CD247: variants seen among roughly 807,000 people sequenced by gnomAD.
The protein encoded by CD247 is CD247 molecule, also known as T-cell surface glycoprotein CD3 zeta chain.
CD247 carries 13 observed loss-of-function variants against 30.0 expected under a neutral mutation model. The ratio of observed to expected loss-of-function variants is 0.43; its 90% CI spans 0.28 to 0.69. CD247 has a LOEUF of 0.69. Ranked by LOEUF, CD247 falls within the 30% of genes least tolerant of loss-of-function variation. The probability of loss-of-function intolerance (pLI) is 0.16; values close to 1 mark genes in which losing one functional copy is unlikely to be tolerated. For missense variants in CD247, 193 were observed against 212.6 expected, an observed-to-expected ratio of 0.91 and a Z score of 0.57; for synonymous variants, 72 against 80.0, an observed-to-expected ratio of 0.90 and a Z score of 0.53.
chr1:167,468,213 A>C (rs1653349765), intron 1 of CD247, among the ~76,000 whole-genome samples: 1 of 152,216 alleles, frequency 6.6e-6, no homozygotes, highest in African/African-American at 2.4e-5. Context: ...AATTAATATA[A>C]GAAAACGTCC....
At chr1:167,435,792 C>A (rs1165582447) in intron 4 of CD247, among the ~76,000 whole-genome samples, 1 of 152,252 alleles carries the variant, frequency 6.6e-6, no homozygotes, top group Non-Finnish European at 1.5e-5. Flanking sequence ...GCAGGGCCAG[C>A]CACTGGTAGT....
At chr1:167,465,150 C>A (rs1414695966) in intron 1 of CD247, among the ~76,000 whole-genome samples, 1 of 152,032 alleles carries the variant, frequency 6.6e-6, no homozygotes, top group South Asian at 2.1e-4. Context: ...CCTATCCAGA[C>A]AGAGAATCAT....
chr1:167,471,170 G>A (rs575137888), intron 1 of CD247, among the ~76,000 whole-genome samples: 4 of 152,108 alleles, frequency 2.6e-5, no homozygotes, highest in African/African-American at 9.6e-5. Flanking sequence ...TGCGCTCAGC[G>A]TGATTATTTC....
intron 1 of CD247, among the ~76,000 whole-genome samples, chr1:167,454,124 A>G (rs1325100330): frequency 6.6e-6 from 1 of 152,240 alleles, no homozygotes; most frequent in Non-Finnish European, 1.5e-5. Context: ...TGATGATTGT[A>G]CAATAATGTA....
intron 4 of CD247, among the ~76,000 whole-genome samples, chr1:167,438,143 T>C (rs1261568955): frequency 1.3e-5 from 2 of 152,058 alleles, no homozygotes; most frequent in East Asian, 1.9e-4. Flanking sequence ...CCCACAGGTA[T>C]AGTGTCTACA....
chr1:167,516,555 G>A (rs1364919836), intron 1 of CD247, among the ~76,000 whole-genome samples: 2 of 152,220 alleles, frequency 1.3e-5, no homozygotes, highest in East Asian at 1.9e-4. Context: ...GACTGTGGAG[G>A]TGTCCCCTCA....
At chr1:167,444,659 T>A (rs1206723670) in intron 1 of CD247, among the ~76,000 whole-genome samples, 3 of 152,120 alleles carry the variant, frequency 2.0e-5, no homozygotes, top group Non-Finnish European at 2.9e-5. Flanking sequence ...TGCATGGCCA[T>A]GAATGGATTG....
At chr1:167,514,998 A>T (rs1655539678) in intron 1 of CD247, among the ~76,000 whole-genome samples, 1 of 152,226 alleles carries the variant, frequency 6.6e-6, no homozygotes, top group Non-Finnish European at 1.5e-5. Context: ...AGCAGTGGTT[A>T]TTCACCTAAG....
intron 1 of CD247, among the ~76,000 whole-genome samples, chr1:167,472,023 G>T (rs1322764852): frequency 3.3e-5 from 5 of 151,628 alleles, no homozygotes; most frequent in Non-Finnish European, 7.4e-5. Flanking sequence ...TAGTAGAGAT[G>T]GGGTTTCATC....
At position 167,507,711 on chromosome 1, in the gene CD247, C is replaced by T. The variant is rs566959309; in HGVS notation, c.58+10697G>A. On this transcript the variant is annotated intron_variant, in intron 1 of 7. Transcript: ENST00000362089. ...ATTAGTCAGGCATGATGGTGCACCC[C>T]TATGGTTCCAATGGCTCAGGAGGCT... Among the ~76,000 whole-genome samples, 191 of 152,066 alleles carry T rather than the reference C, an allele frequency of 1.3e-3. 1 individual carries two copies. Among genetic ancestry groups the T allele is most frequent in the African/African-American group, 4.4e-3 (181 of 41,470 alleles).
Position 167,430,854 on chromosome 1 carries a change from C to T in CD247, c.*827G>A, listed in dbSNP as rs35470589. 4.3e-5 allele frequency: 17 copies of T among 398,702 alleles called. No individual in the cohort carries two copies. The highest frequency in any genetic ancestry group is 2.9e-4 in the African/African-American group (14 of 48,654). 24.7% of individuals were successfully genotyped at this position (398,702 alleles called of 1,614,324 possible). On this transcript the variant is annotated 3_prime_UTR_variant, in exon 8 of 8. Coordinates refer to ENST00000362089, the MANE Select transcript of CD247 (RefSeq NM_198053.3). The stretch of plus-strand genomic sequence containing the variant: ...AGGTCCCATGTGTTGGGTCTTCCTG[C>T]GAGGCCTTCACAAAGATGATTTTGT...
intron 1 of CD247, among the ~76,000 whole-genome samples, chr1:167,449,277 C>G (rs1652249448): frequency 6.6e-6 from 1 of 151,296 alleles, no homozygotes; most frequent in Non-Finnish European, 1.5e-5. Context: ...CTCAGCCTCC[C>G]AGGCAGCCAT....
chr1:167,446,803 C>T (rs181481574), intron 1 of CD247, among the ~76,000 whole-genome samples: 37 of 152,262 alleles, frequency 2.4e-4, no homozygotes, highest in Admixed American at 7.2e-4. Flanking sequence ...ACCATCCTGG[C>T]TAACATGGTG....
At chr1:167,509,178 C>A (rs939156117) in intron 1 of CD247, among the ~76,000 whole-genome samples, 3 of 151,998 alleles carry the variant, frequency 2.0e-5, no homozygotes, top group African/African-American at 7.3e-5. Flanking sequence ...ACCAGCCTGA[C>A]CAACATGGAG....
In CD247 at chr1:167,518,442, G is replaced by A. The variant is rs1196104018; in HGVS notation, c.24C>T (p.Thr8=). MKWKALF[T]AAILQAQLPI... Reference sequence around the variant, plus strand: ...GCAACTGTGCCTGCAGGATGGCCGCGGTGAAAAGCGCCTTCCACTTCATCT... The same window carrying A: ...GCAACTGTGCCTGCAGGATGGCCGCAGTGAAAAGCGCCTTCCACTTCATCT... The change falls in exon 1 of 8, where the codon ACC becomes ACT. Residue 8 remains threonine (T), a synonymous_variant. Transcript: ENST00000362089. 9.3e-6 allele frequency: 15 copies of A among 1,614,018 alleles called. No individual in the cohort carries two copies. Among genetic ancestry groups the A allele is most frequent in the African/African-American group, 5.3e-5 (4 of 74,922 alleles).
At chr1:167,503,703 T>C (rs1348159484) in intron 1 of CD247, among the ~76,000 whole-genome samples, 1 of 152,150 alleles carries the variant, frequency 6.6e-6, no homozygotes, top group Non-Finnish European at 1.5e-5. Flanking sequence ...AGCCAGGTCC[T>C]TGGGACAAGG....
At chr1:167,468,875 A>G (rs1380576854) in intron 1 of CD247, among the ~76,000 whole-genome samples, 3 of 152,176 alleles carry the variant, frequency 2.0e-5, no homozygotes, top group Non-Finnish European at 2.9e-5. Flanking sequence ...GAATTAAGGG[A>G]ACCAAAAAAT....
At chr1:167,448,132 G>A (rs1379655065) in intron 1 of CD247, among the ~76,000 whole-genome samples, 3 of 152,200 alleles carry the variant, frequency 2.0e-5, no homozygotes, top group Non-Finnish European at 2.9e-5. Flanking sequence ...GACACACAGA[G>A]TAATAGTTAT....
At chr1:167,505,008 C>T (rs559657595) in intron 1 of CD247, among the ~76,000 whole-genome samples, 17 of 152,304 alleles carry the variant, frequency 1.1e-4, no homozygotes, top group Admixed American at 3.9e-4. Context: ...AAATAACTCA[C>T]GACAGCTTTT....
Sources: gnomAD v4.1 joint callset for allele counts (sites outside exome capture counted in the v4.1 genomes callset) on GRCh38, gnomAD v4.1.1 for gene constraint, MANE v1.5 for transcripts, NCBI Gene and HGNC (gene_info 2026-07-23, HGNC 2026-07-21) for gene names.